OIT3: variants seen among roughly 807,000 people sequenced by gnomAD.
OIT3 encodes the protein oncoprotein induced transcript 3, also known as oncoprotein-induced transcript 3 protein.
A neutral mutation model predicts 52.2 loss-of-function variants in OIT3; 41 were observed. That is an observed-to-expected ratio of 0.79 (90% CI 0.61 to 1.02). OIT3 has a LOEUF of 1.02. OIT3 is among the 50% of genes least tolerant of loss of function. OIT3 has a pLI of 0.00. For missense variants in OIT3, 634 were observed against 715.5 expected (o/e 0.89, Z 1.30); for synonymous variants, 244 against 276.9 (o/e 0.88, Z 1.18).
chr10:72,916,471 C>T (rs1039586037), intron 6 of OIT3, among the ~76,000 whole-genome samples: 2 of 152,160 alleles, frequency 1.3e-5, no homozygotes, highest in African/African-American at 2.4e-5. Flanking sequence ...TAATGGCCTC[C>T]AGCTCCATCC....
chr10:72,921,893 A>T (rs1415776966), intron 6 of OIT3, among the ~76,000 whole-genome samples: 3 of 151,788 alleles, frequency 2.0e-5, no homozygotes, highest in Admixed American at 2.0e-4. Context: ...GCTGGTCTCG[A>T]ACTCCTGACC....
chr10:72,902,198 T>C (rs1303108468), intron 3 of OIT3, among the ~76,000 whole-genome samples: 3 of 152,144 alleles, frequency 2.0e-5, no homozygotes, highest in African/African-American at 7.2e-5. Context: ...TAATGCTAAA[T>C]GCCTTGGGGT....
In OIT3 at chr10:72,924,175, A is replaced by AT. The variant is rs1194785132; in HGVS notation, c.952-54_952-53insT. 106 of 1,468,832 alleles carry AT rather than the reference A, an allele frequency of 7.2e-5. No homozygotes were observed. The African/African-American group carries it at 1.2e-3, about 17-fold the overall frequency. 91.0% of individuals were successfully genotyped at this position (1,468,832 alleles called of 1,614,324 possible). Reference sequence around the variant, plus strand: ...TAAGGTGAGAGGAGGGGGAAAAAAAACTGTAGAAACAAACAGACAATCTCT... The same window carrying AT: ...TAAGGTGAGAGGAGGGGGAAAAAAAATCTGTAGAAACAAACAGACAATCTCT... On this transcript the variant is annotated intron_variant, in intron 6 of 8. Coordinates refer to ENST00000334011, the MANE Select transcript of OIT3 (RefSeq NM_152635.3).
intron 4 of OIT3, among the ~76,000 whole-genome samples, chr10:72,908,199 C>A (rs749785933): frequency 4.0e-5 from 6 of 151,842 alleles, no homozygotes; most frequent in African/African-American, 1.2e-4. Flanking sequence ...GCCAAGATAG[C>A]GCCACTGCAC....
intron 1 of OIT3, among the ~76,000 whole-genome samples, chr10:72,895,161 T>G (rs1845863296): frequency 6.6e-6 from 1 of 152,184 alleles, no homozygotes; most frequent in African/African-American, 2.4e-5. Flanking sequence ...TCCTATCATC[T>G]CAATTATGCT....
chr10:72,898,586 C>A, intron 1 of OIT3, 78 bp from the exon 2 acceptor site: 1 of 1,366,068 alleles, frequency 7.3e-7, no homozygotes. Context: ...AAATGCAAGA[C>A]CAAGAAGTTG....
At position 72,924,572 on chromosome 10, in the gene OIT3, T is replaced by C; in HGVS notation, c.1295T>C (p.Leu432Ser). ...PVVHVSGLES[L>S]VESCFATPTS... The stretch of plus-strand genomic sequence containing the variant: ...GTGCACGTGAGCGGCTTGGAAAGCT[T>C]GGTGGAGAGCTGCTTTGCCACCCCC... The change falls in exon 7 of 9, where the codon TTG becomes TCG. Residue 432 changes from leucine (L) to serine (S), a missense_variant. Physicochemically the swap from Leu to Ser is moderately radical, Grantham distance 145 (BLOSUM62 -2). Transcript: ENST00000334011. 2 of 1,614,160 alleles carry C rather than the reference T, an allele frequency of 1.2e-6. No homozygotes were observed. Among genetic ancestry groups the C allele is most frequent in the Non-Finnish European group, 1.7e-6 (2 of 1,180,036 alleles).
chr10:72,918,211 C>G, intron 6 of OIT3: 1 of 907,004 alleles, frequency 1.1e-6, no homozygotes, highest in South Asian at 1.3e-5. Context: ...CTAATATGCA[C>G]TGTCCCTAAA....
chr10:72,918,565 A>G, intron 6 of OIT3: 1 of 1,005,210 alleles, frequency 9.9e-7, no homozygotes, highest in African/African-American at 1.6e-5. Context: ...GGTGGGAGAG[A>G]AGGCGGATGG....
chr10:72,929,782 ATCC>A (rs1846200181), intron 7 of OIT3, among the ~76,000 whole-genome samples: 1 of 152,012 alleles, frequency 6.6e-6, no homozygotes, highest in Admixed American at 6.6e-5. Flanking sequence ...AGTTCAAGCA[ATCC>A]TCCTGCCTCA....
chr10:72,927,665 C>T lies in OIT3; in HGVS notation c.1368-2873C>T, dbSNP rs117027277. Among the ~76,000 whole-genome samples the T allele has an allele frequency of 5.7e-3, 875 of 152,298 alleles. 4 individuals carry two copies. Among genetic ancestry groups the T allele is most frequent in the East Asian group, 0.029 (150 of 5,178 alleles). On this transcript the variant is annotated intron_variant, in intron 7 of 8. Transcript: ENST00000334011. ...AGATCCTCCAGCTCTTGGCATGGCT[C>T]ATAGGCCATTACCCTCTGACCTCAG... is the stretch of plus-strand genomic sequence containing the variant.
chr10:72,899,759 G>GATA (rs1564589220), intron 2 of OIT3, among the ~76,000 whole-genome samples: 32 of 136,510 alleles, frequency 2.3e-4, no homozygotes, highest in African/African-American at 7.8e-4. Flanking sequence ...ATAGATAGAT[G>GATA]ATAGATAGAT....
chr10:72,904,332 T>C (rs975872708), intron 3 of OIT3, among the ~76,000 whole-genome samples: 3 of 152,120 alleles, frequency 2.0e-5, no homozygotes, highest in Non-Finnish European at 4.4e-5. Flanking sequence ...ACTCGCTGTC[T>C]GAGGGGTTTT....
intron 5 of OIT3, among the ~76,000 whole-genome samples, chr10:72,912,225 T>C (rs887093129): frequency 5.9e-5 from 9 of 151,968 alleles, no homozygotes; most frequent in African/African-American, 2.2e-4. Context: ...ATATGAGGGT[T>C]AACAATCCTC....
chr10:72,932,455 A>G lies in OIT3; in HGVS notation c.1569A>G (p.Gly523=). ...GGCGAATGCGTCGTGGGGCAGGAGGAGAGGACTCAGCCGGTCTACAGGGCC... is the reference window on the plus strand; with the variant it reads ...GGCGAATGCGTCGTGGGGCAGGAGGGGAGGACTCAGCCGGTCTACAGGGCC... ...CHRRMRRGAG[G]EDSAGLQGQT... The change falls in exon 9 of 9, where the codon GGA becomes GGG. Residue 523 remains glycine (G), a synonymous_variant. Transcript: ENST00000334011. The G allele has an allele frequency of 2.5e-6, 4 of 1,613,998 alleles. No homozygotes were observed. The highest frequency in any genetic ancestry group is 3.4e-6 in the Non-Finnish European group (4 of 1,179,972).
intron 1 of OIT3, among the ~76,000 whole-genome samples, chr10:72,897,287 G>A (rs1845883269): frequency 6.6e-6 from 1 of 152,164 alleles, no homozygotes; most frequent in South Asian, 2.1e-4. Context: ...GCCCCCCAAA[G>A]TGCTGGGATT....
At chr10:72,910,057 A>G (rs1846016415) in intron 4 of OIT3, among the ~76,000 whole-genome samples, 1 of 152,234 alleles carries the variant, frequency 6.6e-6, no homozygotes, top group Admixed American at 6.5e-5. Context: ...ATTTTGGTAT[A>G]TCTTCCTGAG....
intron 3 of OIT3, among the ~76,000 whole-genome samples, chr10:72,905,677 A>G (rs1017598625): frequency 2.6e-5 from 4 of 152,200 alleles, no homozygotes; most frequent in Non-Finnish European, 5.9e-5. Flanking sequence ...TACTTCAGCC[A>G]TGGCAGAGCC....
rs753804058 is a variant in OIT3 at position 72,924,357 on chromosome 10, C to T, written c.1080C>T (p.Arg360=). The T allele has an allele frequency of 3.7e-6, 6 of 1,614,000 alleles. No homozygotes were observed. The highest frequency in any genetic ancestry group is 4.2e-6 in the Non-Finnish European group (5 of 1,180,022). Reference sequence around the variant, plus strand: ...TCCCGGTGACCTGCGAGTTTCCACGCCTGTACACCATTTCTGAAGGATACG... The same window carrying T: ...TCCCGGTGACCTGCGAGTTTCCACGTCTGTACACCATTTCTGAAGGATACG... ...LLIPVTCEFP[R]LYTISEGYVP... The change falls in exon 7 of 9, where the codon CGC becomes CGT. Residue 360 remains arginine (R), a synonymous_variant. Transcript: ENST00000334011.
Sources: gnomAD v4.1 joint callset for allele counts (sites outside exome capture counted in the v4.1 genomes callset) on GRCh38, gnomAD v4.1.1 for gene constraint, MANE v1.5 for transcripts, NCBI Gene and HGNC (gene_info 2026-07-23, HGNC 2026-07-21) for gene names.